The following JAK1 variants were observed in gnomAD, a reference collection of about 807,000 sequenced individuals.
The protein encoded by JAK1 is Janus kinase 1.
JAK1 carries 16 observed loss-of-function variants against 136.6 expected under a neutral mutation model. The ratio of observed to expected loss-of-function variants is 0.12; its 90% CI spans 0.08 to 0.18. JAK1 has a LOEUF of 0.18. Among genes scored for constraint, JAK1 ranks in the 10% least tolerant of loss-of-function variants. The pLI is 1.00. For synonymous variants in JAK1, 492 were observed against 519.5 expected (o/e 0.95, Z 0.72); for missense variants, 859 against 1,450.1 (o/e 0.59, Z 6.62).
chr1:64,964,469 G>A (rs886098165), intron 1 of JAK1, among the ~76,000 whole-genome samples: 1 of 152,200 alleles, frequency 6.6e-6, no homozygotes, highest in South Asian at 2.1e-4. Flanking sequence ...CTCATGTTAA[G>A]ATCCTAAATT....
At chr1:65,028,145 C>T (rs1646993679) in intron 2 of JAK1, among the ~76,000 whole-genome samples, 1 of 151,988 alleles carries the variant, frequency 6.6e-6, no homozygotes, top group Admixed American at 6.6e-5. Context: ...AACGCTTTTC[C>T]CTCAGCTACA....
intron 1 of JAK1, among the ~76,000 whole-genome samples, chr1:65,057,568 G>A (rs1042413084): frequency 6.6e-6 from 1 of 152,146 alleles, no homozygotes; most frequent in Admixed American, 6.5e-5. Flanking sequence ...GCCTGAGCCT[G>A]TAGTCTCAGA....
intron 1 of JAK1, among the ~76,000 whole-genome samples, chr1:65,053,935 G>C (rs914523170): frequency 2.0e-5 from 3 of 152,188 alleles, no homozygotes; most frequent in African/African-American, 7.2e-5. Flanking sequence ...TAGCGTGGCA[G>C]GCAAGAACAA....
At chr1:64,878,417 A>T (rs1644708723) in intron 4 of JAK1, among the ~76,000 whole-genome samples, 1 of 152,116 alleles carries the variant, frequency 6.6e-6, no homozygotes, top group Non-Finnish European at 1.5e-5. Context: ...AAAATCCTCA[A>T]GGAGTAGTCA....
At chr1:65,065,014 A>C (rs769026181) in intron 1 of JAK1, among the ~76,000 whole-genome samples, 1 of 152,220 alleles carries the variant, frequency 6.6e-6, no homozygotes, top group African/African-American at 2.4e-5. Flanking sequence ...AAAGGAACCA[A>C]TTATGAACAC....
At chr1:64,946,416 G>A (rs1645986623) in intron 1 of JAK1, among the ~76,000 whole-genome samples, 1 of 152,168 alleles carries the variant, frequency 6.6e-6, no homozygotes, top group African/African-American at 2.4e-5. Flanking sequence ...CAAAGTCATA[G>A]GTCTATGATC....
At chr1:65,056,315 G>A (rs945113082) in intron 1 of JAK1, among the ~76,000 whole-genome samples, 1 of 152,180 alleles carries the variant, frequency 6.6e-6, no homozygotes, top group African/African-American at 2.4e-5. Context: ...CAATGTGTCT[G>A]AAAAAATAAC....
chr1:65,039,101 C>A (rs1410455554), intron 2 of JAK1, among the ~76,000 whole-genome samples: 1 of 152,186 alleles, frequency 6.6e-6, no homozygotes, highest in African/African-American at 2.4e-5. Flanking sequence ...CCAGCCAGTA[C>A]ACACACACAT....
At chr1:64,878,040 T>C (rs1242325235) in intron 4 of JAK1, among the ~76,000 whole-genome samples, 1 of 152,112 alleles carries the variant, frequency 6.6e-6, no homozygotes, top group Non-Finnish European at 1.5e-5. Context: ...CACCAAATTC[T>C]CCCAAAAATA....
intron 1 of JAK1, among the ~76,000 whole-genome samples, chr1:64,900,514 G>A (rs991694760): frequency 4.6e-5 from 7 of 152,150 alleles, no homozygotes; most frequent in Non-Finnish European, 8.8e-5. Flanking sequence ...GTGAGACAGC[G>A]AAGTGGACAG....
At chr1:65,031,961 CTTTTTTT>C (rs68164546) in intron 2 of JAK1, among the ~76,000 whole-genome samples, 51 of 135,308 alleles carry the variant, frequency 3.8e-4, no homozygotes, top group Non-Finnish European at 7.2e-4. Context: ...TTTTCTTTTT[CTTTTTTT>C]TTTTTTTTTT....
intron 2 of JAK1, among the ~76,000 whole-genome samples, chr1:65,002,010 C>T (rs1398741373): frequency 2.0e-5 from 3 of 152,020 alleles, no homozygotes; most frequent in African/African-American, 4.8e-5. Context: ...CCCCGAGATG[C>T]TGGCATCTAT....
intron 8 of JAK1, among the ~76,000 whole-genome samples, chr1:64,864,094 CATT>C (rs762290923): frequency 2.6e-5 from 4 of 152,224 alleles, no homozygotes; most frequent in Non-Finnish European, 5.9e-5. Flanking sequence ...TGAGCGTTAT[CATT>C]GTGACACAGT....
chr1:65,008,295 G>C (rs933383697), intron 2 of JAK1, among the ~76,000 whole-genome samples: 2 of 152,192 alleles, frequency 1.3e-5, no homozygotes, highest in African/African-American at 4.8e-5. Context: ...GTGTGTCCTA[G>C]TAACATTGAG....
intron 9 of JAK1, among the ~76,000 whole-genome samples, chr1:64,858,306 T>C (rs889306134): frequency 5.3e-5 from 8 of 152,176 alleles, no homozygotes; most frequent in Non-Finnish European, 1.0e-4. Context: ...AGTCCTGGCA[T>C]GTAGAGAGCA....
chr1:65,043,700 A>ATTTTT (rs112982943), intron 2 of JAK1, among the ~76,000 whole-genome samples: 21 of 101,224 alleles, frequency 2.1e-4, no homozygotes, highest in South Asian at 3.2e-4. Context: ...CACCTGGCTA[A>ATTTTT]TTTTTTTTTT....
intron 1 of JAK1, among the ~76,000 whole-genome samples, chr1:64,940,732 T>C (rs1645875140): frequency 6.6e-6 from 1 of 152,236 alleles, no homozygotes; most frequent in Admixed American, 6.5e-5. Flanking sequence ...CAATTTATGC[T>C]ATGCTCCATA....
rs115885775 is a variant in JAK1 at position 65,061,603 on chromosome 1, C to T, written c.-181+6001G>A. On this transcript the variant is annotated intron_variant, in intron 1 of 25. Transcript: ENST00000671954. Reference sequence around the variant, plus strand: ...GTATTTAAATCCACTGGTCTTTTAACTAGTGTGATTTGTTTTCCAATTTGA... The same window carrying T: ...GTATTTAAATCCACTGGTCTTTTAATTAGTGTGATTTGTTTTCCAATTTGA... Among the ~76,000 whole-genome samples, 1,035 of 152,208 alleles carry T rather than the reference C, an allele frequency of 6.8e-3. 7 individuals are homozygous for T. The highest frequency in any genetic ancestry group is 0.024 in the African/African-American group (1,002 of 41,540).
intron 2 of JAK1, among the ~76,000 whole-genome samples, chr1:65,036,766 T>C (rs1376179213): frequency 6.6e-6 from 1 of 152,226 alleles, no homozygotes; most frequent in East Asian, 1.9e-4. Context: ...GCCCAATAAC[T>C]AGGGAATAAT....
Sources: gnomAD v4.1 joint callset for allele counts (sites outside exome capture counted in the v4.1 genomes callset) on GRCh38, gnomAD v4.1.1 for gene constraint, MANE v1.5 for transcripts, NCBI Gene and HGNC (gene_info 2026-07-23, HGNC 2026-07-21) for gene names.